The following GK5 variants were observed in gnomAD, a reference collection of about 807,000 sequenced individuals.
The protein encoded by GK5 is glycerol kinase 5.
GK5 carries 39 observed loss-of-function variants against 77.3 expected under a neutral mutation model. That is an observed-to-expected ratio of 0.50 (90% CI 0.39 to 0.66). GK5 has a LOEUF of 0.66. Among genes scored for constraint, GK5 ranks in the 30% least tolerant of loss-of-function variants. The probability of loss-of-function intolerance (pLI) is 0.00; values close to 1 mark genes in which losing one functional copy is unlikely to be tolerated. For synonymous variants in GK5, 211 were observed against 208.0 expected (o/e 1.01, Z -0.13); for missense variants, 487 against 633.8 (o/e 0.77, Z 2.49).
Position 142,204,793 on chromosome 3 carries a change from A to G in GK5, c.318-5T>C, listed in dbSNP as rs2064080438. The G allele has an allele frequency of 4.7e-6, 7 of 1,485,742 alleles. No homozygotes were observed. In the East Asian group the frequency reaches 1.6e-4, roughly 34 times the overall value. The allele number at this position is 1,485,742 out of a possible 1,614,324, so 92.0% of individuals were successfully genotyped here. ...TGAAAATGATTTCCTGTTTTCCTAG[A>G]AAGAATAAAACAGTATTTTGAGACC... is the stretch of plus-strand genomic sequence containing the variant. On this transcript the variant is annotated splice_region_variant and splice_polypyrimidine_tract_variant and intron_variant, in intron 3 of 15. Transcript: ENST00000392993.
At chr3:142,179,628 T>C (rs1048462499) in intron 11 of GK5, among the ~76,000 whole-genome samples, 8 of 152,230 alleles carry the variant, frequency 5.3e-5, no homozygotes, top group Admixed American at 3.9e-4. Flanking sequence ...TTGAGGAAAA[T>C]TGTTGGTAAC....
intron 3 of GK5, among the ~76,000 whole-genome samples, chr3:142,212,642 A>G (rs1490940178): frequency 6.6e-6 from 1 of 152,178 alleles, no homozygotes; most frequent in Non-Finnish European, 1.5e-5. Flanking sequence ...TCTTGGCTCT[A>G]TTTGCTCCCT....
intron 1 of GK5, among the ~76,000 whole-genome samples, chr3:142,223,386 A>G (rs372668212): frequency 5.3e-4 from 81 of 152,384 alleles, no homozygotes; most frequent in African/African-American, 1.9e-3. Flanking sequence ...TAGAAAGGTA[A>G]TGAGTACCCA....
At chr3:142,217,322 AAAG>A (rs1216135830) in intron 1 of GK5, among the ~76,000 whole-genome samples, 9 of 152,196 alleles carry the variant, frequency 5.9e-5, no homozygotes, top group Non-Finnish European at 8.8e-5. Flanking sequence ...AAGAAAGAAA[AAAG>A]AAAGTCATAA....
rs1342546449 is a variant in GK5 at position 142,159,851 on chromosome 3, C to CTTTTTTTTTTTTTTTTTTTTTTTTTTTT, written c.*5770_*5771insAAAAAAAAAAAAAAAAAAAAAAAAAAAA. ...GCTTTCTCTCTCTCTCTCTCTCTCTCTCTTTTTTTTTTTTGAGACAGAGTC... is the reference window on the plus strand; with the variant it reads ...GCTTTCTCTCTCTCTCTCTCTCTCTCTTTTTTTTTTTTTTTTTTTTTTTTTTTTTCTTTTTTTTTTTTGAGACAGAGTC... On this transcript the variant is annotated 3_prime_UTR_variant, in exon 16 of 16. Coordinates refer to ENST00000392993, the MANE Select transcript of GK5 (RefSeq NM_001039547.3). The CTTTTTTTTTTTTTTTTTTTTTTTTTTTT allele has an allele frequency of 4.6e-5, 4 of 87,002 alleles. No individual in the cohort carries two copies. Among genetic ancestry groups the CTTTTTTTTTTTTTTTTTTTTTTTTTTTT allele is most frequent in the African/African-American group, 9.0e-5 (2 of 22,180 alleles). The allele number at this position is 87,002 out of a possible 1,614,324, so 5.4% of individuals were successfully genotyped here.
rs1471283889 is a variant in GK5, at chr3:142,164,588, T to TTC, written c.*1032_*1033dup. 6.6e-6 allele frequency: 1 copy of TTC among 152,198 alleles called. No individual in the cohort carries two copies. The highest frequency in any genetic ancestry group is 1.5e-5 in the Non-Finnish European group (1 of 68,038). 9.4% of individuals were successfully genotyped at this position (152,198 alleles called of 1,614,324 possible). ...CTGAGCATAGACACACTCTCCTCCC[T>TTC]TCTATCAGCTGTCCCCCACACATAC... On this transcript the variant is annotated 3_prime_UTR_variant, in exon 16 of 16. Transcript: ENST00000392993.
At chr3:142,191,415 T>G (rs989250395) in intron 5 of GK5, among the ~76,000 whole-genome samples, 2 of 152,178 alleles carry the variant, frequency 1.3e-5, no homozygotes, top group South Asian at 4.2e-4. Context: ...AAAAAAAACT[T>G]TAAGTGGGGC....
At chr3:142,220,776 T>TGC (rs1211197217) in intron 1 of GK5, among the ~76,000 whole-genome samples, 1 of 152,180 alleles carries the variant, frequency 6.6e-6, no homozygotes, top group Non-Finnish European at 1.5e-5. Flanking sequence ...ATGAGAGTGA[T>TGC]GCCCGTAAGC....
At chr3:142,166,539 A>AAT (rs2063474114) in intron 15 of GK5, among the ~76,000 whole-genome samples, 1 of 151,734 alleles carries the variant, frequency 6.6e-6, no homozygotes, top group Admixed American at 6.6e-5. Context: ...AAGCAAGAGA[A>AAT]CTTTTTTTTT....
In GK5 at chr3:142,185,952, C is replaced by T. The variant is rs747804693; in HGVS notation, c.793G>A (p.Val265Met). Reference sequence around the variant, plus strand: ...ACCAAGGCAACTATTGGTATAGGCACACCAAATATCTCTTCATCCACTGAT... The same window carrying T: ...ACCAAGGCAACTATTGGTATAGGCATACCAAATATCTCTTCATCCACTGAT... ...FGSVDEEIFG[V>M]PIPIVALVAD... The change falls in exon 9 of 16, where the codon GTG becomes ATG. Residue 265 changes from valine (V) to methionine (M), a missense_variant. This residue lies in a region of GK5 where 323 missense variants were observed against 437.4 expected (regional missense o/e 0.74). Coordinates refer to ENST00000392993, the MANE Select transcript of GK5 (RefSeq NM_001039547.3). 7 of 1,610,344 alleles carry T rather than the reference C, an allele frequency of 4.3e-6. No homozygotes were observed. The Admixed American group carries it at 8.4e-5, about 19-fold the overall frequency.
chr3:142,170,302 A>C (rs770494340), intron 15 of GK5, 23 bp downstream of exon 15: 18 of 1,612,518 alleles, frequency 1.1e-5, no homozygotes, highest in Admixed American at 1.7e-5. Flanking sequence ...GAAAACTCTC[A>C]TTCTTATAAA....
intron 1 of GK5, among the ~76,000 whole-genome samples, chr3:142,224,303 T>C (rs1023066748): frequency 2.0e-5 from 3 of 151,900 alleles, no homozygotes; most frequent in Non-Finnish European, 2.9e-5. Context: ...CCCAGCTACT[T>C]GGGGGGCTGA....
chr3:142,200,368 A>C (rs751300262), intron 4 of GK5, among the ~76,000 whole-genome samples: 1 of 152,160 alleles, frequency 6.6e-6, no homozygotes, highest in Non-Finnish European at 1.5e-5. Flanking sequence ...GGGTTTCACC[A>C]TGTTGGCCAG....
chr3:142,223,878 G>A (rs377616065), intron 1 of GK5, among the ~76,000 whole-genome samples: 1 of 152,082 alleles, frequency 6.6e-6, no homozygotes, highest in Non-Finnish European at 1.5e-5. Context: ...GAAGTCTGAT[G>A]TTTCCCCAGA....
chr3:142,206,921 T>C lies in GK5; in HGVS notation c.318-2133A>G, dbSNP rs13318468. Among the ~76,000 whole-genome samples, 1,085 of 152,340 alleles carry C rather than the reference T, an allele frequency of 7.1e-3. 11 individuals carry two copies. Among genetic ancestry groups the C allele is most frequent in the African/African-American group, 0.024 (1,016 of 41,586 alleles). On this transcript the variant is annotated intron_variant, in intron 3 of 15. Transcript: ENST00000392993. Reference sequence around the variant, plus strand: ...ACCAACCTATGATTGCTACGGTTCATTTAAATCAGAGAAAAGGGGGAGATG... The same window carrying C: ...ACCAACCTATGATTGCTACGGTTCACTTAAATCAGAGAAAAGGGGGAGATG...
chr3:142,165,701 T>C lies in GK5; in HGVS notation c.1511A>G (p.Lys504Arg). Reference protein sequence around the residue: ...QSEVVFKPQKKCQEYEMSLEN... With the variant: ...QSEVVFKPQKRCQEYEMSLEN... ...CAGACTCATTTCATATTCTTGACAT[T>C]TCTTCTGTGGCTTGAAAACCACTTC... The change falls in exon 16 of 16, where the codon AAA becomes AGA. Residue 504 changes from lysine (K) to arginine (R), a missense_variant. Lys to Arg is a conservative substitution (Grantham distance 26). Coordinates refer to ENST00000392993, the MANE Select transcript of GK5 (RefSeq NM_001039547.3). The C allele has an allele frequency of 6.2e-7, 1 of 1,613,436 alleles. No homozygotes were observed. Among genetic ancestry groups the C allele is most frequent in the Non-Finnish European group, 8.5e-7 (1 of 1,179,508 alleles).
chr3:142,215,056 A>G (rs1261689524), intron 2 of GK5, among the ~76,000 whole-genome samples: 1 of 152,206 alleles, frequency 6.6e-6, no homozygotes, highest in Non-Finnish European at 1.5e-5. Context: ...TTTACAAGTA[A>G]TCTTTGCCAT....
intron 11 of GK5, among the ~76,000 whole-genome samples, chr3:142,180,582 G>A (rs1246078211): frequency 1.3e-5 from 2 of 152,170 alleles, no homozygotes; most frequent in African/African-American, 2.4e-5. Flanking sequence ...GATTACAGGC[G>A]TGAGCCACCG....
intron 15 of GK5, chr3:142,170,066 G>C (rs1291705593): frequency 3.8e-6 from 2 of 524,320 alleles, no homozygotes; most frequent in Non-Finnish European, 6.9e-6. Context: ...TGTTGCTAGA[G>C]ACTGACGCAG....
Sources: allele counts gnomAD v4.1 joint callset (sites outside exome capture counted in the v4.1 genomes callset), GRCh38; gene constraint gnomAD v4.1.1; regional missense constraint gnomAD v4.1.1; transcripts MANE v1.5; gene names NCBI Gene and HGNC (gene_info 2026-07-23, HGNC 2026-07-21).